The following DAGLA variants were observed in gnomAD, a reference collection of about 807,000 sequenced individuals.
The protein encoded by DAGLA is diacylglycerol lipase alpha, also known as diacylglycerol lipase-alpha.
DAGLA carries 22 observed loss-of-function variants against 102.6 expected under a neutral mutation model. The observed-to-expected ratio is 0.21, with a 90% CI of 0.15 to 0.31. The LOEUF (loss-of-function observed/expected upper bound fraction) is 0.31. DAGLA is among the 10% of genes least tolerant of loss of function. DAGLA has a pLI of 1.00. For synonymous variants in DAGLA, 578 were observed against 628.9 expected (o/e 0.92, Z 1.21); for missense variants, 927 against 1,446.6 (o/e 0.64, Z 5.83).
In DAGLA at chr11:61,739,581, A is replaced by G; in HGVS notation, c.1773A>G (p.Ile591Met). ...GGACCCACCCCAGCGACCTAACTAT[A>G]GCCCTCTCAGCCAGCACTCCACTCT... ...RLWTHPSDLT[I>M]ALSASTPLYP... The change falls in exon 17 of 20, where the codon ATA (isoleucine) becomes ATG (methionine). Residue 591 changes from isoleucine (I) to methionine (M), a missense_variant. Coordinates refer to ENST00000257215, the MANE Select transcript of DAGLA (RefSeq NM_006133.3). 1 of 1,614,012 alleles carries G rather than the reference A, an allele frequency of 6.2e-7. No individual in the cohort carries two copies. The highest frequency in any genetic ancestry group is 8.5e-7 in the Non-Finnish European group (1 of 1,179,996).
chr11:61,721,539 C>T (rs1191413568), intron 3 of DAGLA, among the ~76,000 whole-genome samples: 1 of 152,214 alleles, frequency 6.6e-6, no homozygotes, highest in Non-Finnish European at 1.5e-5. Context: ...CTCTCTGGCC[C>T]TTTACAGGAA....
chr11:61,743,685 A>T lies in DAGLA; in HGVS notation c.2325A>T (p.Ala775=). 6.2e-7 allele frequency: 1 copy of T among 1,601,666 alleles called. No individual in the cohort carries two copies. Among genetic ancestry groups the T allele is most frequent in the Non-Finnish European group, 8.5e-7 (1 of 1,176,234 alleles). Residue 775 remains alanine, a synonymous_variant, in exon 20 of 20, where the codon GCA becomes GCT. Transcript: ENST00000257215. ...RLAAELQARR[A]PLATMESLSD... is the part of the protein sequence containing the mutation. ...CGGCGGAGCTGCAGGCCCGGCGGGC[A>T]CCACTGGCCACCATGGAGAGCCTCT...
chr11:61,735,420 G>T (rs1431710799), intron 10 of DAGLA, 141 bp from the exon 11 acceptor site: 1 of 713,902 alleles, frequency 1.4e-6, no homozygotes, highest in Non-Finnish European at 2.4e-6. Context: ...GACCCTGGGA[G>T]CCCGTCAGCC....
chr11:61,743,140 G>A (rs1294213338), intron 19 of DAGLA, among the ~76,000 whole-genome samples: 4 of 152,060 alleles, frequency 2.6e-5, no homozygotes, highest in South Asian at 2.1e-4. Flanking sequence ...CGAGGCAGGC[G>A]GATCACCAGG....
chr11:61,733,774 A>G (rs2065398153), intron 9 of DAGLA, among the ~76,000 whole-genome samples: 1 of 152,226 alleles, frequency 6.6e-6, no homozygotes, highest in Non-Finnish European at 1.5e-5. Context: ...GACAGCGCAT[A>G]GACAAGGCAA....
chr11:61,698,758 AGATGCAGAGTGTAGCCCT>A (rs2065086559), intron 1 of DAGLA, among the ~76,000 whole-genome samples: 1 of 152,178 alleles, frequency 6.6e-6, no homozygotes, highest in Admixed American at 6.5e-5. Context: ...AAGGACACAG[AGATGCAGAGTGTAGCCCT>A]GCCCTCCTGG....
chr11:61,738,795 G>A (rs2065449291), intron 16 of DAGLA, among the ~76,000 whole-genome samples: 1 of 152,104 alleles, frequency 6.6e-6, no homozygotes, highest in African/African-American at 2.4e-5. Context: ...AGGAGGAGAG[G>A]GTCCTCTGTG....
chr11:61,696,681 A>C lies in DAGLA; in HGVS notation c.-45+16177A>C, dbSNP rs534864544. 3.3e-5 allele frequency among the ~76,000 whole-genome samples: 5 copies of C among 152,146 alleles called. No homozygotes were observed. In the South Asian group the frequency reaches 1.0e-3, roughly 32 times the overall value. On this transcript the variant is annotated intron_variant, in intron 1 of 19. Coordinates refer to ENST00000257215, the MANE Select transcript of DAGLA (RefSeq NM_006133.3). Reference sequence around the variant, plus strand: ...CCAAAGACCCCTTGGAGAAAAGGGGAAAACTGTAGTCCCTTCCCCTAGCAA... The same window carrying C: ...CCAAAGACCCCTTGGAGAAAAGGGGCAAACTGTAGTCCCTTCCCCTAGCAA...
rs763930966 is a variant in DAGLA at position 61,731,358 on chromosome 11, C to T, written c.891C>T (p.Leu297=). Residue 297 remains leucine (L), a synonymous_variant, in exon 9 of 20, where the codon CTC becomes CTT. Coordinates refer to ENST00000257215, the MANE Select transcript of DAGLA (RefSeq NM_006133.3). ...ACAAAGAGGTCTGCTACTACATGCT[C>T]TTTGCCCTGGCTGCCTACGGGTGGC... ...LRYKEVCYYM[L]FALAAYGWPM... 74 of 1,614,042 alleles carry T rather than the reference C, an allele frequency of 4.6e-5. No homozygotes were observed. Among genetic ancestry groups the T allele is most frequent in the Non-Finnish European group, 5.7e-5 (67 of 1,180,036 alleles).
chr11:61,696,233 C>T (rs1591026824), intron 1 of DAGLA, among the ~76,000 whole-genome samples: 1 of 152,210 alleles, frequency 6.6e-6, no homozygotes. Context: ...GCTGACTCAC[C>T]CTCGGCCTGG....
chr11:61,718,568 C>A (rs1028125219), intron 1 of DAGLA, among the ~76,000 whole-genome samples: 17 of 152,020 alleles, frequency 1.1e-4, no homozygotes, highest in African/African-American at 4.1e-4. Context: ...ACTGCTGACG[C>A]CCCGGACCCC....
chr11:61,730,658 C>T (rs1176648348), intron 8 of DAGLA, among the ~76,000 whole-genome samples: 1 of 152,224 alleles, frequency 6.6e-6, no homozygotes, highest in Non-Finnish European at 1.5e-5. Flanking sequence ...TCCTCAGCAT[C>T]AACAGTGGCT....
chr11:61,718,293 C>G lies in DAGLA; in HGVS notation c.-44-1819C>G, dbSNP rs574523658. ...AGCACCTGCGGGGGCGTACTGCCCC[C>G]CCAGCCTCTAGATTCATTCCATTTC... On this transcript the variant is annotated intron_variant, in intron 1 of 19. Coordinates refer to ENST00000257215, the MANE Select transcript of DAGLA (RefSeq NM_006133.3). Among the ~76,000 whole-genome samples the G allele has an allele frequency of 7.2e-5, 11 of 152,250 alleles. No individual in the cohort carries two copies. The South Asian group carries it at 1.9e-3, about 26-fold the overall frequency.
intron 16 of DAGLA, among the ~76,000 whole-genome samples, chr11:61,738,717 A>G (rs1409468884): frequency 6.6e-6 from 1 of 152,002 alleles, no homozygotes; most frequent in Non-Finnish European, 1.5e-5. Context: ...TCTGGAGGAC[A>G]CTGGCAGACG....
In DAGLA at chr11:61,734,758, C is replaced by G; in HGVS notation, c.975-91C>G. The G allele has an allele frequency of 7.5e-7, 1 of 1,341,922 alleles. No individual in the cohort carries two copies. The highest frequency in any genetic ancestry group is 1.0e-6 in the Non-Finnish European group (1 of 963,522). 83.1% of individuals were successfully genotyped at this position (1,341,922 alleles called of 1,614,324 possible). ...TGGTAGAGGCAGTGGGGCTGAATGCCCAACTGGAACTGGTTCCAGGGACAG... is the reference window on the plus strand; with the variant it reads ...TGGTAGAGGCAGTGGGGCTGAATGCGCAACTGGAACTGGTTCCAGGGACAG... On this transcript the variant is annotated intron_variant, in intron 9 of 19. Transcript: ENST00000257215. This position sits in a 1 kb window ranked among gnomAD's most constrained non-coding sequence, Gnocchi z 4.2.
chr11:61,693,655 GT>G (rs951249146), intron 1 of DAGLA, among the ~76,000 whole-genome samples: 6 of 152,140 alleles, frequency 3.9e-5, no homozygotes, highest in African/African-American at 1.4e-4. Flanking sequence ...CCAAAGATAA[GT>G]CTTTTTCTTA....
intron 1 of DAGLA, among the ~76,000 whole-genome samples, chr11:61,715,473 C>G (rs753346272): frequency 4.6e-5 from 7 of 152,238 alleles, no homozygotes; most frequent in Admixed American, 2.0e-4. Context: ...CCCCCCATCC[C>G]CCTGGGAGCT....
chr11:61,744,059 G>A lies in DAGLA; in HGVS notation c.2699G>A (p.Gly900Glu). The A allele has an allele frequency of 1.2e-6, 2 of 1,612,784 alleles. No homozygotes were observed. The highest frequency in any genetic ancestry group is 1.7e-5 in the Admixed American group (1 of 60,032). ...CGCGGGGAGCTGGCGCTGCACAATG[G>A]GCGCCTGGGGGACTCGCCCAGTCCT... is the stretch of plus-strand genomic sequence containing the variant. ...ASRGELALHN[G>E]RLGDSPSPQV... The change falls in exon 20 of 20, where the codon GGG (glycine) becomes GAG (glutamate). Residue 900 changes from glycine (G) to glutamate (E), a missense_variant. Gly to Glu is a moderately conservative substitution (Grantham distance 98, BLOSUM62 -2). Transcript: ENST00000257215.
At position 61,701,184 on chromosome 11, in the gene DAGLA, G is replaced by C. The variant is rs117609820; in HGVS notation, c.-44-18928G>C. ...TGCAGTAAACAGAAGTGCTAATAAA[G>C]AAGCGTGCTAATACATAATTAATCC... On this transcript the variant is annotated intron_variant, in intron 1 of 19. Coordinates refer to ENST00000257215, the MANE Select transcript of DAGLA (RefSeq NM_006133.3). 2.5e-4 allele frequency among the ~76,000 whole-genome samples: 38 copies of C among 152,340 alleles called. 1 individual carries two copies. The East Asian group carries it at 7.1e-3, about 29-fold the overall frequency.
Sources: gnomAD v4.1 joint callset for allele counts (sites outside exome capture counted in the v4.1 genomes callset) on GRCh38, gnomAD v4.1.1 for gene constraint, Gnocchi (gnomAD v3.1) non-coding constraint, MANE v1.5 for transcripts, NCBI Gene and HGNC (gene_info 2026-07-23, HGNC 2026-07-21) for gene names.